The following FRAS1 variants were observed in gnomAD, a reference collection of about 807,000 sequenced individuals.
The protein encoded by FRAS1 is Fraser extracellular matrix complex subunit 1, also known as extracellular matrix organizing protein FRAS1.
FRAS1 carries 290 observed loss-of-function variants against 435.2 expected under a neutral mutation model. The ratio of observed to expected loss-of-function variants is 0.67; its 90% CI spans 0.61 to 0.73. FRAS1 has a LOEUF of 0.73. Among genes scored for constraint, FRAS1 ranks in the 30% least tolerant of loss-of-function variants. The pLI, the probability that FRAS1 is intolerant of heterozygous loss-of-function variation, is 0.00. For missense variants in FRAS1, 4,860 were observed against 5,001.5 expected (o/e 0.97, Z 0.85); for synonymous variants, 1,800 against 1,851.0 (o/e 0.97, Z 0.71).
chr4:78,182,137 G>C, intron 2 of FRAS1: 2 of 885,874 alleles, frequency 2.3e-6, no homozygotes. Context: ...CAAGATGGCC[G>C]GGCCAAGATG....
intron 2 of FRAS1, among the ~76,000 whole-genome samples, chr4:78,155,370 G>T (rs953889692): frequency 7.2e-5 from 11 of 152,172 alleles, no homozygotes; most frequent in Non-Finnish European, 1.6e-4. Context: ...ACTGAAAACT[G>T]AAAACCATTA....
chr4:78,463,770 T>C (rs1034242297), intron 47 of FRAS1, among the ~76,000 whole-genome samples: 33 of 152,164 alleles, frequency 2.2e-4, no homozygotes, highest in Admixed American at 1.5e-3. Flanking sequence ...AAGAGTAACA[T>C]TGATTGAACA....
chr4:78,057,956 C>G lies in FRAS1; in HGVS notation c.-54C>G. ...CGCCGGAGCCAGCGTTTTGGCGGAG[C>G]CGCTTCTTGGATGCTGAAGGCTGGG... On this transcript the variant is annotated 5_prime_UTR_variant, in exon 1 of 74. Coordinates refer to ENST00000512123, the MANE Select transcript of FRAS1 (RefSeq NM_025074.7). The surrounding 1 kb of genome is among the most constrained non-coding windows in gnomAD (Gnocchi z 4.2). 6.4e-7 allele frequency: 1 copy of G among 1,565,310 alleles called. No homozygotes were observed. The highest frequency in any genetic ancestry group is 8.8e-7 in the Non-Finnish European group (1 of 1,138,376).
chr4:78,464,314 A>G, intron 48 of FRAS1, 129 bp from the exon 49 acceptor site: 1 of 1,393,200 alleles, frequency 7.2e-7, no homozygotes, highest in South Asian at 1.3e-5. Context: ...AAGAGGACTC[A>G]CTCTGGGGCT....
intron 2 of FRAS1, among the ~76,000 whole-genome samples, chr4:78,232,020 G>A (rs1318716521): frequency 6.6e-6 from 1 of 152,044 alleles, no homozygotes; most frequent in Non-Finnish European, 1.5e-5. Context: ...TAAAGTGTCG[G>A]AATTGCAATA....
At chr4:78,449,484 A>C (rs1354516147) in intron 44 of FRAS1, among the ~76,000 whole-genome samples, 1 of 152,222 alleles carries the variant, frequency 6.6e-6, no homozygotes, top group Admixed American at 6.5e-5. Flanking sequence ...TGTATTATGC[A>C]TGAATAACTA....
chr4:78,498,797 A>G (rs1252803635), intron 60 of FRAS1, among the ~76,000 whole-genome samples: 1 of 151,942 alleles, frequency 6.6e-6, no homozygotes, highest in Non-Finnish European at 1.5e-5. Flanking sequence ...GATATAATAG[A>G]AAAGAAGGCA....
intron 2 of FRAS1, among the ~76,000 whole-genome samples, chr4:78,085,955 A>G (rs1288371072): frequency 6.6e-6 from 1 of 152,176 alleles, no homozygotes; most frequent in Non-Finnish European, 1.5e-5. Context: ...TCTCCACCCC[A>G]AATCAACAGA....
intron 2 of FRAS1, among the ~76,000 whole-genome samples, chr4:78,100,168 T>A (rs1742049567): frequency 6.6e-6 from 1 of 152,198 alleles, no homozygotes; most frequent in African/African-American, 2.4e-5. Flanking sequence ...ATACAGTAGC[T>A]TTCACTTACT....
At chr4:78,116,283 G>T (rs149404724) in intron 2 of FRAS1, among the ~76,000 whole-genome samples, 1 of 152,146 alleles carries the variant, frequency 6.6e-6, no homozygotes, top group Non-Finnish European at 1.5e-5. Context: ...GTGTGGTGTG[G>T]TGCTGAAAAG....
At chr4:78,451,942 G>A in intron 46 of FRAS1, 51 bp downstream of exon 46, 1 of 1,540,362 alleles carries the variant, frequency 6.5e-7, no homozygotes, top group South Asian at 1.2e-5. Context: ...CAGTTCTGAG[G>A]TTATATAGTT....
In FRAS1 at chr4:78,446,817, C is replaced by T. The variant is rs74893124; in HGVS notation, c.5947C>T (p.Leu1983=). The T allele has an allele frequency of 2.6e-4, 412 of 1,612,916 alleles. No homozygotes were observed. In the African/African-American group the frequency reaches 4.5e-3, roughly 18 times the overall value. ...GGTGATAAGCAATTCTTCTTTGAGC[C>T]TGCAAGACCTGGACACCCCAGATAA... ...GVVISNSSLS[L]QDLDTPDNEL... Residue 1983 remains leucine (L), a synonymous_variant, in exon 43 of 74, where the codon CTG becomes TTG. Transcript: ENST00000512123.
intron 2 of FRAS1, among the ~76,000 whole-genome samples, chr4:78,074,313 T>C (rs1469253883): frequency 6.6e-6 from 1 of 152,168 alleles, no homozygotes; most frequent in Non-Finnish European, 1.5e-5. Context: ...TCTTACTGTA[T>C]TGAGTTTCCC....
intron 2 of FRAS1, among the ~76,000 whole-genome samples, chr4:78,118,093 C>A (rs538817968): frequency 3.3e-5 from 5 of 152,196 alleles, no homozygotes; most frequent in Middle Eastern, 3.2e-3. Flanking sequence ...GCTGGAGGTC[C>A]ACTCCAGACC....
intron 2 of FRAS1, among the ~76,000 whole-genome samples, chr4:78,214,579 G>T (rs897180171): frequency 2.0e-5 from 3 of 152,134 alleles, no homozygotes; most frequent in Admixed American, 6.5e-5. Context: ...GATAAAAACA[G>T]CACAGTTTGT....
rs768671807 is a variant in FRAS1 at position 78,540,659 on chromosome 4, C to A, written c.11574C>A (p.Pro3858=). The part of the protein sequence containing the change: ...LRRNRRDLVE[P]DGQLILDDSL... The stretch of plus-strand genomic sequence containing the variant: ...GCAACCGAAGGGACCTGGTAGAGCC[C>A]GATGGCCAGCTGATCCTTGATGATT... The change falls in exon 74 of 74, where the codon CCC becomes CCA. Residue 3858 remains proline, a synonymous_variant. Coordinates refer to ENST00000512123, the MANE Select transcript of FRAS1 (RefSeq NM_025074.7). 24 of 1,611,826 alleles carry A rather than the reference C, an allele frequency of 1.5e-5. No individual in the cohort carries two copies. Among genetic ancestry groups the A allele is most frequent in the Non-Finnish European group, 2.0e-5 (24 of 1,178,696 alleles).
intron 20 of FRAS1, among the ~76,000 whole-genome samples, chr4:78,339,480 T>G (rs1384653606): frequency 6.6e-6 from 1 of 151,588 alleles, no homozygotes; most frequent in Non-Finnish European, 1.5e-5. Flanking sequence ...GCTGTAGGAG[T>G]TCAAGGTAGG....
chr4:78,446,357 GCTT>G, intron 42 of FRAS1: 1 of 1,068,396 alleles, frequency 9.4e-7, no homozygotes, highest in South Asian at 3.0e-5. Flanking sequence ...ACTGTGGTAT[GCTT>G]AGCATTTTCT....
chr4:78,273,742 T>G (rs942938351), intron 9 of FRAS1, among the ~76,000 whole-genome samples: 4 of 152,200 alleles, frequency 2.6e-5, no homozygotes, highest in Non-Finnish European at 4.4e-5. Context: ...ATTTTTTCAT[T>G]GATGTTCCTC....
Sources: gnomAD v4.1 joint callset for allele counts (sites outside exome capture counted in the v4.1 genomes callset) on GRCh38, gnomAD v4.1.1 for gene constraint, Gnocchi (gnomAD v3.1) non-coding constraint, MANE v1.5 for transcripts, NCBI Gene and HGNC (gene_info 2026-07-23, HGNC 2026-07-21) for gene names.